Variants in ABCC3 observed in about 807,000 individuals in gnomAD.
ABCC3 encodes the protein ATP binding cassette subfamily C member 3.
ABCC3 carries 121 observed loss-of-function variants against 165.3 expected under a neutral mutation model. That is an observed-to-expected ratio of 0.73 (90% CI 0.63 to 0.85). The LOEUF (loss-of-function observed/expected upper bound fraction) is 0.85. Ranked by LOEUF, ABCC3 falls within the 40% of genes least tolerant of loss-of-function variation. The probability of loss-of-function intolerance (pLI) is 0.00; values close to 1 mark genes in which losing one functional copy is unlikely to be tolerated. For missense variants in ABCC3, 1,869 were observed against 1,964.1 expected, an observed-to-expected ratio of 0.95 and a Z score of 0.92; for synonymous variants, 733 against 810.1, an observed-to-expected ratio of 0.90 and a Z score of 1.62.
intron 8 of ABCC3, 107 bp downstream of exon 8, chr17:50,661,221 C>T (rs894350641): frequency 1.6e-6 from 2 of 1,212,154 alleles, no homozygotes; most frequent in African/African-American, 1.5e-5. Flanking sequence ...AGACCAGGAA[C>T]CAGGGAGGCT....
In ABCC3 at chr17:50,667,565, G is replaced by T. The variant is rs1257704204; in HGVS notation, c.1443G>T (p.Met481Ile). The change falls in exon 12 of 31, where the codon ATG (methionine) becomes ATT (isoleucine). Residue 481 changes from methionine (M) to isoleucine (I), a missense_variant. Transcript: ENST00000285238. ...TTCTGCCTGCACAGGTAAAGCAAAT[G>T]AAATTGAAGGACTCGCGCATCAAGC... The part of the protein sequence containing the change: ...VKMRAFQVKQ[M>I]KLKDSRIKLM... The T allele has an allele frequency of 7.5e-6, 12 of 1,608,540 alleles. No individual in the cohort carries two copies. The East Asian group carries it at 1.8e-4, about 24-fold the overall frequency.
intron 11 of ABCC3, among the ~76,000 whole-genome samples, chr17:50,665,913 A>G (rs1466411955): frequency 1.3e-5 from 2 of 151,612 alleles, no homozygotes; most frequent in Admixed American, 6.6e-5. Context: ...CACCTGGCCT[A>G]TTGAAGTCTA....
At chr17:50,671,038 G>C (rs1967637650) in intron 17 of ABCC3, among the ~76,000 whole-genome samples, 1 of 152,066 alleles carries the variant, frequency 6.6e-6, no homozygotes, top group South Asian at 2.1e-4. Flanking sequence ...TGTATCATTT[G>C]AGGTAAGGAG....
intron 1 of ABCC3, among the ~76,000 whole-genome samples, chr17:50,651,161 G>C (rs761890660): frequency 9.2e-5 from 14 of 151,488 alleles, no homozygotes; most frequent in Admixed American, 3.9e-4. Context: ...TGTCACACCA[G>C]CTGTAGATTG....
intron 10 of ABCC3, 96 bp downstream of exon 10, chr17:50,664,207 T>C: frequency 6.7e-7 from 1 of 1,498,142 alleles, no homozygotes; most frequent in South Asian, 1.2e-5. Flanking sequence ...GGCACATGCT[T>C]GTAGTCCCAG....
At chr17:50,641,270 C>T (rs1255760521) in intron 1 of ABCC3, among the ~76,000 whole-genome samples, 1 of 152,218 alleles carries the variant, frequency 6.6e-6, no homozygotes, top group Non-Finnish European at 1.5e-5. Flanking sequence ...GCTGTTGTTG[C>T]TGTGGAAACT....
At chr17:50,676,197 G>A (rs1967802180) in intron 22 of ABCC3, 81 bp from the exon 23 acceptor site, 2 of 1,586,426 alleles carry the variant, frequency 1.3e-6, no homozygotes, top group Non-Finnish European at 1.7e-6. Flanking sequence ...ACCCACTCTG[G>A]TCAACCCGTG....
chr17:50,635,788 T>C (rs1284758729), intron 1 of ABCC3: 11 of 587,000 alleles, frequency 1.9e-5, no homozygotes, highest in African/African-American at 3.7e-5. Context: ...GAGGCAGAGG[T>C]GGGAGGATCA....
intron 1 of ABCC3, among the ~76,000 whole-genome samples, chr17:50,645,678 G>C (rs961494191): frequency 1.6e-4 from 25 of 151,994 alleles, no homozygotes; most frequent in African/African-American, 5.8e-4. Flanking sequence ...ATGGCTCACT[G>C]CAGCAACAAA....
chr17:50,669,667 CAG>C, intron 17 of ABCC3, 139 bp downstream of exon 17: 1 of 871,014 alleles, frequency 1.1e-6, no homozygotes. Flanking sequence ...ACTGGGGAAA[CAG>C]ATCTATTAGC....
intron 1 of ABCC3, among the ~76,000 whole-genome samples, chr17:50,653,140 G>C (rs1967143660): frequency 6.6e-6 from 1 of 151,986 alleles, no homozygotes; most frequent in South Asian, 2.1e-4. Flanking sequence ...GAGGTCAGGA[G>C]TTCAAGACCA....
intron 16 of ABCC3, 39 bp from the exon 17 acceptor site, chr17:50,669,313 C>T (rs377253775): frequency 1.2e-6 from 2 of 1,614,150 alleles, no homozygotes; most frequent in South Asian, 1.1e-5. Flanking sequence ...CTCAGCCAGG[C>T]CTTGGGCAAG....
rs1352370888 is a variant in ABCC3 at position 50,691,254 on chromosome 17, A to G, written c.*54A>G. On this transcript the variant is annotated 3_prime_UTR_variant, in exon 31 of 31. Transcript: ENST00000285238. ...TTTCCTGGTTTTCATCAGGAAGGAA[A>G]TGACACCAAATATGTCCGCAGAATG... 1 of 1,380,504 alleles carries G rather than the reference A, an allele frequency of 7.2e-7. No individual in the cohort carries two copies. The allele number at this position is 1,380,504 out of a possible 1,614,324, so 85.5% of individuals were successfully genotyped here.
At chr17:50,663,545 C>T in intron 8 of ABCC3, 136 bp from the exon 9 acceptor site, 1 of 1,022,774 alleles carries the variant, frequency 9.8e-7, no homozygotes, top group South Asian at 1.6e-5. Context: ...CCCTCCCTGG[C>T]CCAAGAGGTT....
chr17:50,635,206 C>T (rs541166833), intron 1 of ABCC3: 436 of 622,568 alleles, frequency 7.0e-4, no homozygotes, highest in Non-Finnish European at 1.1e-3. Context: ...CTGCCCTTCC[C>T]GGCTGCAGCA....
chr17:50,635,091 C>T (rs1409870669), intron 1 of ABCC3, 110 bp downstream of exon 1: 16 of 1,180,004 alleles, frequency 1.4e-5, no homozygotes, highest in Non-Finnish European at 1.6e-5. Context: ...GGGACGGAGC[C>T]CCTGAGACGG....
chr17:50,636,288 G>A (rs1287168172), intron 1 of ABCC3, among the ~76,000 whole-genome samples: 1 of 152,182 alleles, frequency 6.6e-6, no homozygotes, highest in African/African-American at 2.4e-5. Context: ...AGGTGTATAA[G>A]TCTGGAGCTA....
intron 6 of ABCC3, among the ~76,000 whole-genome samples, chr17:50,658,957 A>C (rs1967317848): frequency 6.6e-6 from 1 of 152,176 alleles, no homozygotes. Context: ...CCAGGGCCCC[A>C]GGCAGCGTGG....
At chr17:50,649,727 A>G (rs62059745) in intron 1 of ABCC3, among the ~76,000 whole-genome samples, 23,210 of 151,146 alleles carry the variant, frequency 0.15, 2,072 homozygotes, top group East Asian at 0.24. Context: ...GAAGGAAGGA[A>G]GGAAGGAAGA....
Sources: allele counts gnomAD v4.1 joint callset (sites outside exome capture counted in the v4.1 genomes callset), GRCh38; gene constraint gnomAD v4.1.1; transcripts MANE v1.5; gene names NCBI Gene and HGNC (gene_info 2026-07-23, HGNC 2026-07-21).